The following ARHGAP26 variants were observed in gnomAD, a reference collection of about 807,000 sequenced individuals.
ARHGAP26 encodes the protein Rho GTPase activating protein 26, also known as rho GTPase-activating protein 26.
ARHGAP26 carries 38 observed loss-of-function variants against 104.8 expected under a neutral mutation model. The ratio of observed to expected loss-of-function variants is 0.36; its 90% confidence interval spans 0.28 to 0.48. The LOEUF (loss-of-function observed/expected upper bound fraction) is 0.48, where lower values mean the gene tolerates loss of function less well. Among genes scored for constraint, ARHGAP26 ranks in the 20% least tolerant of loss-of-function variants. The pLI is 0.99. For synonymous variants in ARHGAP26, 341 were observed against 340.0 expected, an observed-to-expected ratio of 1.00 and a Z score of -0.03; for missense variants, 704 against 947.9, an observed-to-expected ratio of 0.74 and a Z score of 3.38.
At chr5:143,107,951 T>C (rs1794250953) in intron 17 of ARHGAP26, among the ~76,000 whole-genome samples, 1 of 152,224 alleles carries the variant, frequency 6.6e-6, no homozygotes, top group African/African-American at 2.4e-5. Context: ...CCCTGACAAA[T>C]CTATTTTTGT....
intron 20 of ARHGAP26, among the ~76,000 whole-genome samples, chr5:143,164,111 A>G (rs770698176): frequency 4.0e-5 from 6 of 151,846 alleles, no homozygotes; most frequent in Non-Finnish European, 5.9e-5. Context: ...AAAATTTGTA[A>G]CAATTTCTTA....
Position 142,784,989 on chromosome 5 carries a change from C to T in ARHGAP26, c.154+14074C>T, listed in dbSNP as rs57985646. ...TTGTCCAGGCTGGAGTGCAGTGGCG[C>T]GATCTCGGCTCACTGCAAGCTCCGC... On this transcript the variant is annotated intron_variant, in intron 1 of 22. Coordinates refer to ENST00000645722, the MANE Select transcript of ARHGAP26 (RefSeq NM_001135608.3). 5.0e-3 allele frequency among the ~76,000 whole-genome samples: 735 copies of T among 146,192 alleles called. 6 individuals are homozygous for T. The highest frequency in any genetic ancestry group is 0.018 in the African/African-American group (704 of 38,554).
At chr5:142,884,699 T>C (rs1302619075) in intron 4 of ARHGAP26, among the ~76,000 whole-genome samples, 1 of 152,248 alleles carries the variant, frequency 6.6e-6, no homozygotes, top group East Asian at 1.9e-4. Flanking sequence ...TTTATTTTTC[T>C]TTTGCTAGCA....
At position 142,895,181 on chromosome 5, in the gene ARHGAP26, C is replaced by T. The variant is rs1759284969; in HGVS notation, c.597+833C>T. Among the ~76,000 whole-genome samples the T allele has an allele frequency of 2.6e-5, 4 of 152,266 alleles. No individual in the cohort carries two copies. The South Asian group carries it at 8.3e-4, about 32-fold the overall frequency. ...TGATTTAGACTCAAGCATGGCATCT[C>T]TGTACAAATAAGATTCTCTACCTAG... On this transcript the variant is annotated intron_variant, in intron 6 of 22. Coordinates refer to ENST00000645722, the MANE Select transcript of ARHGAP26 (RefSeq NM_001135608.3).
chr5:143,003,194 A>G (rs952301735), intron 11 of ARHGAP26, among the ~76,000 whole-genome samples: 2 of 151,576 alleles, frequency 1.3e-5, no homozygotes, highest in Non-Finnish European at 2.9e-5. Context: ...TAAATGGCCT[A>G]CTCCTTCACT....
chr5:143,082,684 C>T (rs1789992852), intron 17 of ARHGAP26, among the ~76,000 whole-genome samples: 1 of 152,198 alleles, frequency 6.6e-6, no homozygotes. Context: ...TATACTGTAG[C>T]CGCACATAAG....
intron 17 of ARHGAP26, among the ~76,000 whole-genome samples, chr5:143,074,726 G>A (rs1293509162): frequency 1.3e-5 from 2 of 152,214 alleles, no homozygotes; most frequent in African/African-American, 4.8e-5. Context: ...GAGAAGGTCT[G>A]CCAGAACTCC....
At chr5:142,858,129 G>A (rs1752718562) in intron 1 of ARHGAP26, among the ~76,000 whole-genome samples, 1 of 151,794 alleles carries the variant, frequency 6.6e-6, no homozygotes, top group Non-Finnish European at 1.5e-5. Flanking sequence ...GTGTGTGTGT[G>A]TGTTGCAGGC....
At chr5:142,785,435 G>T (rs182216845) in intron 1 of ARHGAP26, among the ~76,000 whole-genome samples, 1 of 152,338 alleles carries the variant, frequency 6.6e-6, no homozygotes, top group African/African-American at 2.4e-5. Context: ...CACACTCACT[G>T]CCGAGGGGGC....
At chr5:142,874,969 A>C (rs930451783) in intron 2 of ARHGAP26, 141 bp from the exon 3 acceptor site, 1 of 668,296 alleles carries the variant, frequency 1.5e-6, no homozygotes, top group Non-Finnish European at 2.7e-6. Context: ...TAAAAAGATG[A>C]AGGGAGCCTT....
intron 1 of ARHGAP26, among the ~76,000 whole-genome samples, chr5:142,851,539 C>CTAT (rs1751523558): frequency 6.6e-6 from 1 of 152,104 alleles, no homozygotes; most frequent in Non-Finnish European, 1.5e-5. Context: ...GCATTTTGCC[C>CTAT]CTCATAGGCT....
intron 17 of ARHGAP26, among the ~76,000 whole-genome samples, chr5:143,116,552 C>T (rs1462238363): frequency 6.6e-6 from 1 of 152,206 alleles, no homozygotes; most frequent in Non-Finnish European, 1.5e-5. Flanking sequence ...CATTTAAACT[C>T]TAGGAAAACA....
Position 143,134,125 on chromosome 5 carries a change from G to A in ARHGAP26, c.1837+20G>A. ...AGAAACGTGAGTCTTTGCTGCATAGGGCCAGCGTGGCATTCAGGGACATCC... is the reference window on the plus strand; with the variant it reads ...AGAAACGTGAGTCTTTGCTGCATAGAGCCAGCGTGGCATTCAGGGACATCC... On this transcript the variant is annotated intron_variant, in intron 19 of 22. Transcript: ENST00000645722. 3.1e-6 allele frequency: 5 copies of A among 1,593,866 alleles called. No individual in the cohort carries two copies. Among genetic ancestry groups the A allele is most frequent in the Non-Finnish European group, 4.3e-6 (5 of 1,168,614 alleles).
intron 14 of ARHGAP26, among the ~76,000 whole-genome samples, chr5:143,042,554 T>G (rs1174094430): frequency 2.6e-5 from 4 of 152,214 alleles, no homozygotes; most frequent in Admixed American, 6.5e-5. Context: ...TTTTTAGATA[T>G]GAGTGCAGCC....
chr5:142,998,098 G>A (rs1387218590), intron 11 of ARHGAP26, among the ~76,000 whole-genome samples: 1 of 152,148 alleles, frequency 6.6e-6, no homozygotes, highest in Non-Finnish European at 1.5e-5. Flanking sequence ...TGCTAACTCA[G>A]TGTTTGTTGC....
At chr5:142,911,091 C>T (rs1204113079) in intron 9 of ARHGAP26, among the ~76,000 whole-genome samples, 1 of 152,210 alleles carries the variant, frequency 6.6e-6, no homozygotes, top group Non-Finnish European at 1.5e-5. Flanking sequence ...AGATTTGCCA[C>T]ATCCTCCTGG....
At chr5:143,198,690 T>A (rs1279603569) in intron 20 of ARHGAP26, among the ~76,000 whole-genome samples, 1 of 152,234 alleles carries the variant, frequency 6.6e-6, no homozygotes, top group African/African-American at 2.4e-5. Context: ...ACATTAAGGA[T>A]GATGTATGCG....
intron 1 of ARHGAP26, among the ~76,000 whole-genome samples, chr5:142,783,298 C>T (rs1297139973): frequency 3.3e-5 from 5 of 152,188 alleles, no homozygotes; most frequent in African/African-American, 4.8e-5. Context: ...CCAGTTGTTC[C>T]GTGAGCTTGG....
chr5:142,977,989 T>C (rs913562312), intron 11 of ARHGAP26, among the ~76,000 whole-genome samples: 2 of 152,228 alleles, frequency 1.3e-5, no homozygotes, highest in African/African-American at 4.8e-5. Context: ...TGCAAAGCCA[T>C]GGGAAAAGGA....
Sources: allele counts gnomAD v4.1 joint callset (sites outside exome capture counted in the v4.1 genomes callset), GRCh38; gene constraint gnomAD v4.1.1; transcripts MANE v1.5; gene names NCBI Gene and HGNC (gene_info 2026-07-23, HGNC 2026-07-21).